Variants in ZNF25 observed in about 807,000 individuals in gnomAD.
ZNF25 encodes the protein zinc finger protein 25, also known as zinc finger protein 25 (KOX 19).
In ZNF25, 21 loss-of-function variants were observed where a neutral mutation model predicts 30.9. The ratio of observed to expected loss-of-function variants is 0.68; its 90% CI spans 0.48 to 0.98. ZNF25 has a LOEUF of 0.98. Among genes scored for constraint, ZNF25 ranks in the 50% least tolerant of loss-of-function variants. ZNF25 has a pLI of 0.00. For missense variants in ZNF25, 501 were observed against 529.9 expected (o/e 0.95, Z 0.54); for synonymous variants, 169 against 181.3 (o/e 0.93, Z 0.55).
At chr10:37,970,387 A>T (rs1389036888) in intron 2 of ZNF25, among the ~76,000 whole-genome samples, 1 of 152,162 alleles carries the variant, frequency 6.6e-6, no homozygotes. Flanking sequence ...TGATTATCCC[A>T]AAAAAAGCAG....
chr10:37,953,647 A>G lies in ZNF25; in HGVS notation c.302+48T>C, dbSNP rs144020614. 121 of 1,573,628 alleles carry G rather than the reference A, an allele frequency of 7.7e-5. No homozygotes were observed. The African/African-American group carries it at 1.6e-3, about 21-fold the overall frequency. ...TCCCATTTCTAGTAACTCCTTTAAGACTCTTGCTTACAAATCTTCTATCTT... is the reference window on the plus strand; with the variant it reads ...TCCCATTTCTAGTAACTCCTTTAAGGCTCTTGCTTACAAATCTTCTATCTT... On this transcript the variant is annotated intron_variant, in intron 5 of 5. Transcript: ENST00000302609.
chr10:37,975,553 C>G (rs2135475504), intron 1 of ZNF25, among the ~76,000 whole-genome samples: 1 of 152,204 alleles, frequency 6.6e-6, no homozygotes, highest in South Asian at 2.1e-4. Context: ...TTTTTTGTCC[C>G]ATTTCCTGTC....
intron 5 of ZNF25, 138 bp from the exon 6 acceptor site, chr10:37,953,333 G>T (rs1564753866): frequency 1.9e-5 from 15 of 779,290 alleles, no homozygotes; most frequent in Non-Finnish European, 3.0e-5. Flanking sequence ...GATCCATAGG[G>T]TTTCTCCACT....
At chr10:37,964,690 G>A (rs1314182507) in intron 2 of ZNF25, among the ~76,000 whole-genome samples, 1 of 152,180 alleles carries the variant, frequency 6.6e-6, no homozygotes, top group Non-Finnish European at 1.5e-5. Context: ...CTTAAAGTTG[G>A]AACTGATATT....
rs1209542562 is a variant in ZNF25, at chr10:37,951,131, T to C, written c.*996A>G. Reference sequence around the variant, plus strand: ...TGAAGGATTAGTTATTACCACTGTCTATATCCATTTACAAACACAAAAAAG... The same window carrying C: ...TGAAGGATTAGTTATTACCACTGTCCATATCCATTTACAAACACAAAAAAG... On this transcript the variant is annotated 3_prime_UTR_variant, in exon 6 of 6. Coordinates refer to ENST00000302609, the MANE Select transcript of ZNF25 (RefSeq NM_145011.4). 6.6e-6 allele frequency: 1 copy of C among 152,216 alleles called. No individual in the cohort carries two copies. Among genetic ancestry groups the C allele is most frequent in the Non-Finnish European group, 1.5e-5 (1 of 68,034 alleles). 9.4% of individuals were successfully genotyped at this position (152,216 alleles called of 1,614,324 possible).
intron 2 of ZNF25, among the ~76,000 whole-genome samples, chr10:37,970,850 G>A (rs186084646): frequency 3.3e-5 from 5 of 152,042 alleles, no homozygotes; most frequent in Admixed American, 6.6e-5. Flanking sequence ...CTCTAATTCA[G>A]GACTTTCCTC....
intron 2 of ZNF25, among the ~76,000 whole-genome samples, chr10:37,958,619 T>C (rs997263656): frequency 2.0e-5 from 3 of 152,208 alleles, no homozygotes; most frequent in Admixed American, 6.5e-5. Flanking sequence ...CATGTATTAA[T>C]GTTTATTAAG....
rs1235307830 is a variant in ZNF25 at position 37,951,984 on chromosome 10, A to G, written c.*143T>C. ...CCAAATAAATGTACAGAATCTCTCT[A>G]TGTATTTGCTGATACACAGAGAGAG... is the stretch of plus-strand genomic sequence containing the variant. On this transcript the variant is annotated 3_prime_UTR_variant, in exon 6 of 6. Coordinates refer to ENST00000302609, the MANE Select transcript of ZNF25 (RefSeq NM_145011.4). 27 of 645,710 alleles carry G rather than the reference A, an allele frequency of 4.2e-5. No homozygotes were observed. The highest frequency in any genetic ancestry group is 5.2e-5 in the Non-Finnish European group (21 of 400,782). 40.0% of individuals were successfully genotyped at this position (645,710 alleles called of 1,614,324 possible). A position where few individuals can be genotyped will look rare whatever the true frequency, so the allele number is the denominator to read the frequency against.
chr10:37,963,272 A>C (rs563404159), intron 2 of ZNF25, among the ~76,000 whole-genome samples: 94 of 152,108 alleles, frequency 6.2e-4, no homozygotes, highest in African/African-American at 2.2e-3. Flanking sequence ...ACAGGTGCCC[A>C]CCACCACATC....
chr10:37,966,460 A>G (rs1342930000), intron 2 of ZNF25, among the ~76,000 whole-genome samples: 1 of 151,970 alleles, frequency 6.6e-6, no homozygotes, highest in Admixed American at 6.6e-5. Context: ...ATTTACAAAG[A>G]AAAGAGGTTT....
rs1048223230 is a variant in ZNF25 at position 37,950,751 on chromosome 10, A to C, written c.*1376T>G. ...TTATGGGATGGGAACTGAGGCACAG[A>C]GATATTAAGTAGCATGCCCCATGCT... On this transcript the variant is annotated 3_prime_UTR_variant, in exon 6 of 6. Coordinates refer to ENST00000302609, the MANE Select transcript of ZNF25 (RefSeq NM_145011.4). 2 of 152,164 alleles carry C rather than the reference A, an allele frequency of 1.3e-5. No individual in the cohort carries two copies. Among genetic ancestry groups the C allele is most frequent in the African/African-American group, 4.8e-5 (2 of 41,432 alleles). The allele number at this position is 152,164 out of a possible 1,614,324, so 9.4% of individuals were successfully genotyped here. A position where few individuals can be genotyped will look rare whatever the true frequency, so the allele number is the denominator to read the frequency against.
At chr10:37,964,270 C>T (rs1046339337) in intron 2 of ZNF25, among the ~76,000 whole-genome samples, 5 of 152,054 alleles carry the variant, frequency 3.3e-5, no homozygotes, top group Admixed American at 3.3e-4. Context: ...TAGAGCATTG[C>T]TATAAAGATA....
chr10:37,976,127 G>A (rs1167309288), intron 1 of ZNF25, among the ~76,000 whole-genome samples: 1 of 152,120 alleles, frequency 6.6e-6, no homozygotes, highest in African/African-American at 2.4e-5. Flanking sequence ...GTACCCAAAG[G>A]CCCCCATCAT....
rs771501950 is a variant in ZNF25, at chr10:37,952,606, TC to T, written c.891del (p.Asn298IlefsTer84). 1 of 1,613,852 alleles carries T rather than the reference TC, an allele frequency of 6.2e-7. No homozygotes were observed. Among genetic ancestry groups the T allele is most frequent in the South Asian group, 1.1e-5 (1 of 91,068 alleles). On this transcript the variant is annotated frameshift_variant, in exon 6 of 6. Coordinates refer to ENST00000302609, the MANE Select transcript of ZNF25 (RefSeq NM_145011.4). LOFTEE classifies it high-confidence loss of function. ...KCKECGKFFSRNSHLKTHQRS... is the reference protein window; with the variant it reads ...KCKECGKFFSXNSHLKTHQRS... ...CTCTGATGAGTTTTGAGGTGTGAAT[TC>T]CTAGAGAAGAATTTCCCACATTCCT...
At chr10:37,963,069 T>A (rs368598832) in intron 2 of ZNF25, among the ~76,000 whole-genome samples, 6 of 132,028 alleles carry the variant, frequency 4.5e-5, no homozygotes, top group Admixed American at 2.3e-4. Context: ...TTTTTTTTTT[T>A]AAACCATCAA....
At chr10:37,957,601 T>C (rs1263552172) in intron 2 of ZNF25, 55 bp from the exon 3 acceptor site, 1 of 1,569,352 alleles carries the variant, frequency 6.4e-7, no homozygotes, top group South Asian at 1.2e-5. Flanking sequence ...TTGCATACCA[T>C]TGAAAAGACA....
intron 2 of ZNF25, among the ~76,000 whole-genome samples, chr10:37,963,914 G>T (rs1474761219): frequency 2.6e-5 from 4 of 152,180 alleles, no homozygotes; most frequent in Non-Finnish European, 4.4e-5. Flanking sequence ...GGCAGAGGTT[G>T]CCGTGAGCCA....
rs146796165 is a variant in ZNF25 at position 37,971,866 on chromosome 10, T to G, written c.-85-59A>C. 2.6e-5 allele frequency: 29 copies of G among 1,132,236 alleles called. No homozygotes were observed. The African/African-American group carries it at 2.6e-4, about 10-fold the overall frequency. The allele number at this position is 1,132,236 out of a possible 1,614,324, so 70.1% of individuals were successfully genotyped here. A position where few individuals can be genotyped will look rare whatever the true frequency, so the allele number is the denominator to read the frequency against. On this transcript the variant is annotated intron_variant, in intron 1 of 5. Transcript: ENST00000302609. The stretch of plus-strand genomic sequence containing the variant: ...ATATATACCTTTGAGAAAATGTCCC[T>G]TTGACCCATTAGAAAGCATAGTAAG...
intron 2 of ZNF25, among the ~76,000 whole-genome samples, chr10:37,965,422 T>C (rs146001783): frequency 2.1e-4 from 32 of 152,274 alleles, no homozygotes; most frequent in African/African-American, 7.2e-4. Flanking sequence ...ATTAATCCAT[T>C]AATCCATTAA....
Sources: allele counts gnomAD v4.1 joint callset (sites outside exome capture counted in the v4.1 genomes callset), GRCh38; gene constraint gnomAD v4.1.1; transcripts MANE v1.5; gene names NCBI Gene and HGNC (gene_info 2026-07-23, HGNC 2026-07-21).